FNDC4: variants seen among roughly 807,000 people sequenced by gnomAD.
FNDC4 encodes fibronectin type III domain-containing protein 4.
FNDC4 carries 11 observed loss-of-function variants against 25.1 expected under a neutral mutation model. The observed-to-expected ratio is 0.44, with a 90% CI of 0.28 to 0.73. The LOEUF (loss-of-function observed/expected upper bound fraction) is 0.73, where lower values mean the gene tolerates loss of function less well. Ranked by LOEUF, FNDC4 falls within the 30% of genes least tolerant of loss-of-function variation. FNDC4 has a pLI of 0.16. For missense variants in FNDC4, 250 were observed against 304.3 expected (o/e 0.82, Z 1.33); for synonymous variants, 136 against 118.8 (o/e 1.14, Z -0.94).
rs1296928979 is a variant in FNDC4, at chr2:27,492,635, C to T, written c.669+31G>A. The T allele has an allele frequency of 9.3e-6, 15 of 1,613,664 alleles. No individual in the cohort carries two copies. The African/African-American group carries it at 2.0e-4, about 22-fold the overall frequency. On this transcript the variant is annotated intron_variant, in intron 6 of 6. Transcript: ENST00000264703. The surrounding 1 kb of genome is among the most constrained non-coding windows in gnomAD (Gnocchi z 4.1). ...TGGCTGCCCCTCAGGGGCAGAATCA[C>T]CCTTTCCGCCCTCACTGGCCCCCAC...
chr2:27,493,366 C>A (rs936925366), intron 5 of FNDC4, 23 bp downstream of exon 5: 1 of 1,594,962 alleles, frequency 6.3e-7, no homozygotes, highest in Admixed American at 1.7e-5. Context: ...AGTCCCTGGT[C>A]CCCTGTCTAG....
At position 27,494,898 on chromosome 2, in the gene FNDC4, G is replaced by A. The variant is rs1304120146; in HGVS notation, c.-45C>T. 2.1e-6 allele frequency: 1 copy of A among 486,650 alleles called. No individual in the cohort carries two copies. Among genetic ancestry groups the A allele is most frequent in the African/African-American group, 2.0e-5 (1 of 50,168 alleles). 30.1% of individuals were successfully genotyped at this position (486,650 alleles called of 1,614,324 possible). A position where few individuals can be genotyped will look rare whatever the true frequency, so the allele number is the denominator to read the frequency against. ...CCCACCTCCGCCGGTCCTCGCGGTT[G>A]GTCAGGCCTCGGGGGGCTGCTCGGT... On this transcript the variant is annotated 5_prime_UTR_variant, in exon 1 of 7. Coordinates refer to ENST00000264703, the MANE Select transcript of FNDC4 (RefSeq NM_022823.3). The surrounding 1 kb of genome is among the most constrained non-coding windows in gnomAD (Gnocchi z 4.6).
chr2:27,493,950 G>A lies in FNDC4; in HGVS notation c.434C>T (p.Pro145Leu). The A allele has an allele frequency of 6.2e-7, 1 of 1,614,240 alleles. No homozygotes were observed. Among genetic ancestry groups the A allele is most frequent in the South Asian group, 1.1e-5 (1 of 91,088 alleles). The change falls in exon 4 of 7, where the codon CCT (proline) becomes CTT (leucine). Residue 145 changes from proline to leucine, a missense_variant. Coordinates refer to ENST00000264703, the MANE Select transcript of FNDC4 (RefSeq NM_022823.3). ...CTCACCTGGGCTTGAACTGTTTGAA[G>A]GTAGCCGGTCAGAACCCTTGAGAGT... The part of the protein sequence containing the change: ...FRTLKGSDRL[P>L]SNSSSPGDIT...
At position 27,494,857 on chromosome 2, in the gene FNDC4, G is replaced by C; in HGVS notation, c.-25+21C>G. On this transcript the variant is annotated intron_variant, in intron 1 of 6. Transcript: ENST00000264703. This position sits in a 1 kb window ranked among gnomAD's most constrained non-coding sequence, Gnocchi z 4.6. ...ATTGCCCGGGCGGCCCCAGAGTGCG[G>C]TCCGCCCTGCCCACACCCACCTCCG... 4 of 569,716 alleles carry C rather than the reference G, an allele frequency of 7.0e-6. No homozygotes were observed. The highest frequency in any genetic ancestry group is 9.3e-6 in the Non-Finnish European group (3 of 323,834). 35.3% of individuals were successfully genotyped at this position (569,716 alleles called of 1,614,324 possible).
chr2:27,494,277 TCCC>T lies in FNDC4; in HGVS notation c.249+71_249+73del. On this transcript the variant is annotated intron_variant, in intron 3 of 6. Transcript: ENST00000264703. The surrounding 1 kb of genome is among the most constrained non-coding windows in gnomAD (Gnocchi z 4.6). ...GAGCCAGGATACGCCAGCTTCCAGA[TCCC>T]CCCCACTTAAGTGAAGAAATGTGCC... is the stretch of plus-strand genomic sequence containing the variant. The T allele has an allele frequency of 1.4e-6, 2 of 1,432,546 alleles. No individual in the cohort carries two copies. The highest frequency in any genetic ancestry group is 2.0e-6 in the Non-Finnish European group (2 of 1,024,474). The allele number at this position is 1,432,546 out of a possible 1,614,324, so 88.7% of individuals were successfully genotyped here. A position where few individuals can be genotyped will look rare whatever the true frequency, so the allele number is the denominator to read the frequency against.
chr2:27,493,775 A>G (rs1669313463), intron 4 of FNDC4, among the ~76,000 whole-genome samples, 155 bp downstream of exon 4: 1 of 152,156 alleles, frequency 6.6e-6, no homozygotes, highest in East Asian at 1.9e-4. Flanking sequence ...TCTATACCCA[A>G]TCCCCTTCCC....
rs114430929 is a variant in FNDC4 at position 27,494,326 on chromosome 2, G to C, written c.249+25C>G. 3,421 of 1,572,398 alleles carry C rather than the reference G, an allele frequency of 2.2e-3. 66 individuals carry two copies. In the African/African-American group the frequency reaches 0.04, roughly 18 times the overall value. ...GTGCCGAAATCCAAGGACACAGGTT[G>C]GGGGAGCAGAAGGGTGATTCATACT... is the stretch of plus-strand genomic sequence containing the variant. On this transcript the variant is annotated intron_variant, in intron 3 of 6. Transcript: ENST00000264703. The surrounding 1 kb of genome is among the most constrained non-coding windows in gnomAD (Gnocchi z 4.6).
Position 27,492,157 on chromosome 2 carries a change from T to G in FNDC4, c.*286A>C. ...TGATACAGGTGAAATGGGGCCCCCA[T>G]TTGGGACCTAATGGAGTAGGGTACA... On this transcript the variant is annotated 3_prime_UTR_variant, in exon 7 of 7. Coordinates refer to ENST00000264703, the MANE Select transcript of FNDC4 (RefSeq NM_022823.3). This position sits in a 1 kb window ranked among gnomAD's most constrained non-coding sequence, Gnocchi z 4.1. 3 of 467,770 alleles carry G rather than the reference T, an allele frequency of 6.4e-6. No homozygotes were observed. Among genetic ancestry groups the G allele is most frequent in the Admixed American group, 3.5e-5 (1 of 28,958 alleles). 29.0% of individuals were successfully genotyped at this position (467,770 alleles called of 1,614,324 possible).
chr2:27,492,283 G>A lies in FNDC4; in HGVS notation c.*160C>T, dbSNP rs1669275352. On this transcript the variant is annotated 3_prime_UTR_variant, in exon 7 of 7. Transcript: ENST00000264703. This position sits in a 1 kb window ranked among gnomAD's most constrained non-coding sequence, Gnocchi z 4.1. The stretch of plus-strand genomic sequence containing the variant: ...CAGACTCTGAACAGACCTACCTTCT[G>A]GCTCTGCTCACAGTGGAAAGAGGAT... 1 of 846,482 alleles carries A rather than the reference G, an allele frequency of 1.2e-6. No individual in the cohort carries two copies. Among genetic ancestry groups the A allele is most frequent in the Non-Finnish European group, 2.0e-6 (1 of 506,240 alleles). The allele number at this position is 846,482 out of a possible 1,614,324, so 52.4% of individuals were successfully genotyped here.
chr2:27,492,677 C>T lies in FNDC4; in HGVS notation c.658G>A (p.Gly220Arg). ...GGCCCCCACATCACCTGTCTTGTCC[C>T]CACTGGCCTTCCCTGAGGACTCTGT... ...PEQSPQGRPV[G>R]TRQKKSPSIN... Residue 220 changes from glycine (G) to arginine (R), a missense_variant, in exon 6 of 7, where the codon GGG (glycine) becomes AGG (arginine). Transcript: ENST00000264703. The surrounding 1 kb of genome is among the most constrained non-coding windows in gnomAD (Gnocchi z 4.1). 1.9e-6 allele frequency: 3 copies of T among 1,614,146 alleles called. No homozygotes were observed. The highest frequency in any genetic ancestry group is 2.5e-6 in the Non-Finnish European group (3 of 1,180,034).
chr2:27,494,957 C>G lies in FNDC4; in HGVS notation c.-104G>C, dbSNP rs977283258. 9.7e-6 allele frequency: 3 copies of G among 309,660 alleles called. No individual in the cohort carries two copies. Among genetic ancestry groups the G allele is most frequent in the African/African-American group, 2.2e-5 (1 of 45,634 alleles). The allele number at this position is 309,660 out of a possible 1,614,324, so 19.2% of individuals were successfully genotyped here. ...GGCGGCCCATCGCCCGACTCGGTGG[C>G]GCTGCCCCTACCCCATCCCGGCGCG... On this transcript the variant is annotated 5_prime_UTR_variant, in exon 1 of 7. Coordinates refer to ENST00000264703, the MANE Select transcript of FNDC4 (RefSeq NM_022823.3). This position sits in a 1 kb window ranked among gnomAD's most constrained non-coding sequence, Gnocchi z 4.6.
rs781599996 is a variant in FNDC4 at position 27,492,709 on chromosome 2, C to T, written c.626G>A (p.Gly209Glu). 2 of 1,614,158 alleles carry T rather than the reference C, an allele frequency of 1.2e-6. No homozygotes were observed. The highest frequency in any genetic ancestry group is 4.5e-5 in the East Asian group (2 of 44,864). Residue 209 changes from glycine to glutamate, a missense_variant, in exon 6 of 7, where the codon GGG (glycine) becomes GAG (glutamate). Transcript: ENST00000264703. The surrounding 1 kb of genome is among the most constrained non-coding windows in gnomAD (Gnocchi z 4.1). Reference protein sequence around the residue: ...SNNNPKEKGKGPEQSPQGRPV... With the variant: ...SNNNPKEKGKEPEQSPQGRPV... ...CCTTCCCTGAGGACTCTGTTCCGGC[C>T]CCTTTCCCTTCTCCTTGGGATTGTT...
In FNDC4 at chr2:27,492,691, T is replaced by C. The variant is rs74867758; in HGVS notation, c.644A>G (p.Gln215Arg). 1.2e-3 allele frequency: 1,931 copies of C among 1,614,160 alleles called. 40 individuals are homozygous for C. The East Asian group carries it at 0.037, about 31-fold the overall frequency. The change falls in exon 6 of 7, where the codon CAG (glutamine) becomes CGG (arginine). Residue 215 changes from glutamine to arginine, a missense_variant. Coordinates refer to ENST00000264703, the MANE Select transcript of FNDC4 (RefSeq NM_022823.3). The surrounding 1 kb of genome is among the most constrained non-coding windows in gnomAD (Gnocchi z 4.1). Reference sequence around the variant, plus strand: ...CTGTCTTGTCCCCACTGGCCTTCCCTGAGGACTCTGTTCCGGCCCCTTTCC... The same window carrying C: ...CTGTCTTGTCCCCACTGGCCTTCCCCGAGGACTCTGTTCCGGCCCCTTTCC... ...EKGKGPEQSP[Q>R]GRPVGTRQKK...
Position 27,492,610 on chromosome 2 carries a change from T to A in FNDC4, c.669+56A>T, listed in dbSNP as rs1669282917. The A allele has an allele frequency of 6.2e-7, 1 of 1,609,444 alleles. No homozygotes were observed. The highest frequency in any genetic ancestry group is 8.5e-7 in the Non-Finnish European group (1 of 1,175,956). ...CCCTCTTTGACCTTCTTCCTTTCCCTGGCTGCCCCTCAGGGGCAGAATCAC... is the reference window on the plus strand; with the variant it reads ...CCCTCTTTGACCTTCTTCCTTTCCCAGGCTGCCCCTCAGGGGCAGAATCAC... On this transcript the variant is annotated intron_variant, in intron 6 of 6. Coordinates refer to ENST00000264703, the MANE Select transcript of FNDC4 (RefSeq NM_022823.3). This position sits in a 1 kb window ranked among gnomAD's most constrained non-coding sequence, Gnocchi z 4.1.
At position 27,492,722 on chromosome 2, in the gene FNDC4, C is replaced by A; in HGVS notation, c.613G>T (p.Glu205Ter). The change falls in exon 6 of 7, where the codon GAG (glutamate) becomes TAG (stop). Residue 205 changes from glutamate to a stop codon, truncating the protein, a stop_gained. Transcript: ENST00000264703. LOFTEE classifies it high-confidence loss of function. The surrounding 1 kb of genome is among the most constrained non-coding windows in gnomAD (Gnocchi z 4.1). ...KDNDSNNNPK[E>*]KGKGPEQSPQ... The stretch of plus-strand genomic sequence containing the variant: ...CTCTGTTCCGGCCCCTTTCCCTTCT[C>A]CTTGGGATTGTTGTTGGAGTCATTG... The A allele has an allele frequency of 6.2e-7, 1 of 1,614,134 alleles. No homozygotes were observed. The highest frequency in any genetic ancestry group is 8.5e-7 in the Non-Finnish European group (1 of 1,180,012).
In FNDC4 at chr2:27,492,984, CA is replaced by C. The variant is rs1325721207; in HGVS notation, c.545-195del. ...ATCCCTCCTGAACTAAGTATCTCCCCACTCCACTCTATTTCTCTTACTTTTT... is the reference window on the plus strand; with the variant it reads ...ATCCCTCCTGAACTAAGTATCTCCCCCTCCACTCTATTTCTCTTACTTTTT... On this transcript the variant is annotated intron_variant, in intron 5 of 6. Transcript: ENST00000264703. This position sits in a 1 kb window ranked among gnomAD's most constrained non-coding sequence, Gnocchi z 4.1. 6.6e-6 allele frequency among the ~76,000 whole-genome samples: 1 copy of C among 151,490 alleles called. No individual in the cohort carries two copies. The highest frequency in any genetic ancestry group is 1.9e-4 in the East Asian group (1 of 5,182).
chr2:27,493,997 T>C lies in FNDC4; in HGVS notation c.387A>G (p.Pro129=). Residue 129 remains proline (P), a synonymous_variant, in exon 4 of 7, where the codon CCA becomes CCG. Coordinates refer to ENST00000264703, the MANE Select transcript of FNDC4 (RefSeq NM_022823.3). ...RSIGLRGESP[P]GPRVHFRTLK... ...GAGTTCGGAAGTGCACCCGGGGCCC[T>C]GGGGGACTCTCTCCCCGAAGGCCGA... 1 of 1,614,174 alleles carries C rather than the reference T, an allele frequency of 6.2e-7. No homozygotes were observed. The highest frequency in any genetic ancestry group is 1.3e-5 in the African/African-American group (1 of 75,050).
At chr2:27,493,516 C>T (rs1669307661) in intron 4 of FNDC4, 38 bp from the exon 5 acceptor site, 2 of 1,485,980 alleles carry the variant, frequency 1.3e-6, no homozygotes, top group East Asian at 4.5e-5. Context: ...CTCCAGGTTA[C>T]TGGGGTCCAT....
Position 27,494,626 on chromosome 2 carries a change from A to C in FNDC4, c.54T>G (p.Ala18=), listed in dbSNP as rs1669338203. 6.2e-7 allele frequency: 1 copy of C among 1,605,642 alleles called. No individual in the cohort carries two copies. The highest frequency in any genetic ancestry group is 8.5e-7 in the Non-Finnish European group (1 of 1,176,660). Residue 18 remains alanine (A), a synonymous_variant, in exon 2 of 7, where the codon GCT becomes GCG. Coordinates refer to ENST00000264703, the MANE Select transcript of FNDC4 (RefSeq NM_022823.3). The surrounding 1 kb of genome is among the most constrained non-coding windows in gnomAD (Gnocchi z 4.6). ...SPPSGLRGDM[A]SLVPLSPYLS... ...GATATGGGGAAAGGGGCACCAGCGA[A>C]GCCATGTCCCCACGGAGTCCGCTGG... is the stretch of plus-strand genomic sequence containing the variant.
Sources: allele counts gnomAD v4.1 joint callset (sites outside exome capture counted in the v4.1 genomes callset), GRCh38; gene constraint gnomAD v4.1.1; non-coding constraint Gnocchi (gnomAD v3.1); transcripts MANE v1.5; gene names NCBI Gene and HGNC (gene_info 2026-07-23, HGNC 2026-07-21).